VAT1L: variants seen among roughly 807,000 people sequenced by gnomAD.
VAT1L encodes the protein vesicle amine transport 1 like, also known as putative NADPH-dependent quinone oxidoreductase VAT1L.
VAT1L carries 34 observed loss-of-function variants against 44.1 expected under a neutral mutation model. That is an observed-to-expected ratio of 0.77 (90% CI 0.59 to 1.03). VAT1L has a LOEUF of 1.03. Ranked by LOEUF, VAT1L falls within the 50% of genes least tolerant of loss-of-function variation. The pLI, the probability that VAT1L is intolerant of heterozygous loss-of-function variation, is 0.00. For synonymous variants in VAT1L, 253 were observed against 202.2 expected (o/e 1.25, Z -2.13); for missense variants, 615 against 538.8 (o/e 1.14, Z -1.40).
In VAT1L at chr16:77,970,646, T is replaced by A. The variant is rs537546149; in HGVS notation, c.1078-1204T>A. 4.6e-5 allele frequency among the ~76,000 whole-genome samples: 7 copies of A among 152,348 alleles called. No homozygotes were observed. In the South Asian group the frequency reaches 1.5e-3, roughly 32 times the overall value. On this transcript the variant is annotated intron_variant, in intron 7 of 8. Coordinates refer to ENST00000302536, the MANE Select transcript of VAT1L (RefSeq NM_020927.3). ...GGACATATAAGTTGCTTCAATGTTC[T>A]GCCATAAAAAGCAATACTGTAATTG...
intron 7 of VAT1L, among the ~76,000 whole-genome samples, chr16:77,934,453 A>G (rs1282833876): frequency 6.6e-6 from 1 of 150,920 alleles, no homozygotes; most frequent in Non-Finnish European, 1.5e-5. Context: ...AGAATCCAAA[A>G]AACAAACAAA....
chr16:77,823,463 A>G (rs1464634883), intron 2 of VAT1L, among the ~76,000 whole-genome samples: 1 of 152,138 alleles, frequency 6.6e-6, no homozygotes, highest in Non-Finnish European at 1.5e-5. Context: ...AGAACCTAAG[A>G]TCAAAAAGGG....
intron 7 of VAT1L, among the ~76,000 whole-genome samples, chr16:77,968,732 C>G: frequency 6.6e-6 from 1 of 151,784 alleles, no homozygotes; most frequent in East Asian, 2.0e-4. Context: ...AACAAACAAA[C>G]AAACAAACAA....
At chr16:77,949,654 T>C (rs1447478094) in intron 7 of VAT1L, among the ~76,000 whole-genome samples, 1 of 152,176 alleles carries the variant, frequency 6.6e-6, no homozygotes, top group Non-Finnish European at 1.5e-5. Context: ...CCTCTCTCAC[T>C]GTGTGATCTC....
intron 3 of VAT1L, among the ~76,000 whole-genome samples, chr16:77,826,285 G>A (rs2016522641): frequency 6.6e-6 from 1 of 151,918 alleles, no homozygotes; most frequent in Non-Finnish European, 1.5e-5. Context: ...ATCATTGTAA[G>A]ACGTCTCACA....
intron 7 of VAT1L, among the ~76,000 whole-genome samples, chr16:77,970,215 A>G (rs946833922): frequency 6.6e-6 from 1 of 152,168 alleles, no homozygotes; most frequent in African/African-American, 2.4e-5. Flanking sequence ...CAGCCAAGGC[A>G]ACAGAGCAAG....
rs115930928 is a variant in VAT1L, at chr16:77,964,297, T to G, written c.1078-7553T>G. ...CTTAAATAACATAAAAGTATTATCT[T>G]ACAGTTCTGAAAGCCCAAAAATCAA... On this transcript the variant is annotated intron_variant, in intron 7 of 8. Transcript: ENST00000302536. 5.4e-3 allele frequency among the ~76,000 whole-genome samples: 824 copies of G among 152,240 alleles called. 10 individuals carry two copies. Among genetic ancestry groups the G allele is most frequent in the African/African-American group, 0.019 (787 of 41,544 alleles).
At chr16:77,872,382 A>G (rs774202112) in intron 4 of VAT1L, among the ~76,000 whole-genome samples, 5 of 152,090 alleles carry the variant, frequency 3.3e-5, no homozygotes, top group African/African-American at 4.8e-5. Context: ...CTATCATACT[A>G]TTCTCTGAGA....
chr16:77,791,686 C>T (rs2015838221), intron 1 of VAT1L, among the ~76,000 whole-genome samples: 2 of 152,162 alleles, frequency 1.3e-5, no homozygotes, highest in Non-Finnish European at 2.9e-5. Flanking sequence ...CACTTTCTTT[C>T]CTTTCTCCAC....
At chr16:77,858,933 C>T (rs955862749) in intron 3 of VAT1L, among the ~76,000 whole-genome samples, 12 of 151,912 alleles carry the variant, frequency 7.9e-5, no homozygotes, top group African/African-American at 1.7e-4. Context: ...GTCAGGAGTT[C>T]GAGACCAGCC....
intron 7 of VAT1L, among the ~76,000 whole-genome samples, chr16:77,891,458 C>G (rs1418773580): frequency 2.6e-5 from 4 of 152,234 alleles, no homozygotes; most frequent in Non-Finnish European, 5.9e-5. Flanking sequence ...GCAGAAAGTT[C>G]TGTTGAAGCT....
intron 7 of VAT1L, among the ~76,000 whole-genome samples, chr16:77,924,103 C>G (rs949448499): frequency 2.0e-5 from 3 of 152,160 alleles, no homozygotes; most frequent in African/African-American, 7.2e-5. Context: ...TCCATGTGTA[C>G]ATAATACAGA....
At chr16:77,803,308 C>T (rs1371932093) in intron 1 of VAT1L, among the ~76,000 whole-genome samples, 1 of 152,062 alleles carries the variant, frequency 6.6e-6, no homozygotes, top group African/African-American at 2.4e-5. Context: ...TATTGGAGAG[C>T]AGCAAGGACA....
chr16:77,895,319 C>A (rs1051648409), intron 7 of VAT1L, among the ~76,000 whole-genome samples: 3 of 145,682 alleles, frequency 2.1e-5, no homozygotes, highest in African/African-American at 7.6e-5. Context: ...AGAATGGCCC[C>A]CTAAAGATGT....
intron 7 of VAT1L, among the ~76,000 whole-genome samples, chr16:77,889,877 G>A (rs924200588): frequency 1.3e-5 from 2 of 152,032 alleles, no homozygotes; most frequent in East Asian, 1.9e-4. Context: ...ACTTGAGGTC[G>A]GGAGTTCGAG....
Position 77,884,036 on chromosome 16 carries a change from T to G in VAT1L, c.883-572T>G, listed in dbSNP as rs1041119467. Among the ~76,000 whole-genome samples the G allele has an allele frequency of 3.3e-5, 5 of 152,190 alleles. No homozygotes were observed. Among genetic ancestry groups the G allele is most frequent in the African/African-American group, 9.7e-5 (4 of 41,438 alleles). ...GGAGCTGATGATCCTGACCATGTAC[T>G]TAATATTTCAACTACATGTGGCCAT... On this transcript the variant is annotated intron_variant, in intron 6 of 8. Transcript: ENST00000302536. This position sits in a 1 kb window ranked among gnomAD's most constrained non-coding sequence, Gnocchi z 4.5.
intron 3 of VAT1L, among the ~76,000 whole-genome samples, chr16:77,836,863 T>C (rs1213449640): frequency 6.6e-6 from 1 of 152,214 alleles, no homozygotes; most frequent in Non-Finnish European, 1.5e-5. Flanking sequence ...CAGATTTATT[T>C]ATGCAATATT....
intron 7 of VAT1L, among the ~76,000 whole-genome samples, chr16:77,957,499 G>A (rs1334002227): frequency 6.6e-6 from 1 of 152,090 alleles, no homozygotes; most frequent in Non-Finnish European, 1.5e-5. Flanking sequence ...AGCCAAGGCG[G>A]GTAGATCACA....
At chr16:77,944,932 G>A (rs1038980479) in intron 7 of VAT1L, among the ~76,000 whole-genome samples, 1 of 152,072 alleles carries the variant, frequency 6.6e-6, no homozygotes, top group African/African-American at 2.4e-5. Context: ...CACACACACA[G>A]AAACTAAACA....
Sources: allele counts gnomAD v4.1 joint callset (sites outside exome capture counted in the v4.1 genomes callset), GRCh38; gene constraint gnomAD v4.1.1; non-coding constraint Gnocchi (gnomAD v3.1); transcripts MANE v1.5; gene names NCBI Gene and HGNC (gene_info 2026-07-23, HGNC 2026-07-21).